Variants in ABLIM1 observed in about 807,000 individuals in gnomAD.
ABLIM1 encodes the protein actin binding LIM protein 1, also known as actin-binding LIM protein 1.
Under a neutral mutation model 107.0 loss-of-function variants are expected in ABLIM1, and 40 were observed. The ratio of observed to expected loss-of-function variants is 0.37; its 90% CI spans 0.29 to 0.49. The LOEUF is 0.49. Among genes scored for constraint, ABLIM1 ranks in the 20% least tolerant of loss-of-function variants. The pLI is 0.97. For missense variants in ABLIM1, 857 were observed against 1,008.5 expected (o/e 0.85, Z 2.04); for synonymous variants, 357 against 357.3 (o/e 1.00, Z 0.01).
intron 8 of ABLIM1, among the ~76,000 whole-genome samples, chr10:114,482,686 A>G (rs2057557171): frequency 6.6e-6 from 1 of 152,210 alleles, no homozygotes; most frequent in Admixed American, 6.5e-5. Flanking sequence ...GACTTCATTG[A>G]TAGTTACAGC....
chr10:114,798,083 C>T, the ABLIM1 span, among the ~76,000 whole-genome samples: 8 of 152,170 alleles, frequency 5.3e-5, no homozygotes, highest in East Asian at 7.7e-4. Context: ...TTTTATCCAA[C>T]GAAGTTAAGT....
intron 6 of ABLIM1, among the ~76,000 whole-genome samples, chr10:114,529,390 G>A (rs113631787): frequency 1.2e-3 from 188 of 152,142 alleles, no homozygotes; most frequent in African/African-American, 3.9e-3. Context: ...CCAAAGTGCC[G>A]GGATTACAGG....
At chr10:114,468,141 A>C in intron 11 of ABLIM1, 40 bp downstream of exon 11, 1 of 1,588,242 alleles carries the variant, frequency 6.3e-7, no homozygotes, top group Non-Finnish European at 8.6e-7. Context: ...GCAATTCTCA[A>C]ATTCCACCCA....
intron 4 of ABLIM1, among the ~76,000 whole-genome samples, chr10:114,551,246 C>A (rs913770191): frequency 6.6e-6 from 1 of 152,208 alleles, no homozygotes; most frequent in African/African-American, 2.4e-5. Context: ...TCCCTTTTTC[C>A]TCGGTTAGGA....
At chr10:114,650,862 A>C (rs748562626) in intron 1 of ABLIM1, among the ~76,000 whole-genome samples, 3 of 152,214 alleles carry the variant, frequency 2.0e-5, no homozygotes, top group African/African-American at 4.8e-5. Flanking sequence ...AAGAGGGGGA[A>C]GTATTTATCG....
intron 1 of ABLIM1, among the ~76,000 whole-genome samples, chr10:114,680,648 A>G (rs2080707558): frequency 6.6e-6 from 1 of 152,176 alleles, no homozygotes; most frequent in Admixed American, 6.5e-5. Flanking sequence ...CAGCGAGGTC[A>G]TCTATATCCC....
chr10:114,536,427 T>C (rs1384395338), intron 6 of ABLIM1, among the ~76,000 whole-genome samples: 2 of 151,438 alleles, frequency 1.3e-5, no homozygotes, highest in Admixed American at 1.3e-4. Context: ...TTTGTATTTT[T>C]AGTAGAGACG....
chr10:114,612,741 GACA>G (rs952471873), intron 1 of ABLIM1, among the ~76,000 whole-genome samples: 1 of 152,158 alleles, frequency 6.6e-6, no homozygotes, highest in Non-Finnish European at 1.5e-5. Flanking sequence ...CATCTTTATG[GACA>G]ACAAGAGAGC....
intron 6 of ABLIM1, among the ~76,000 whole-genome samples, chr10:114,494,044 G>T (rs1436531866): frequency 6.6e-6 from 1 of 152,116 alleles, no homozygotes; most frequent in Admixed American, 6.5e-5. Flanking sequence ...CTTTAGTATG[G>T]GCATGGGAGT....
At chr10:114,465,551 A>G (rs1009088854) in intron 12 of ABLIM1, 147 bp downstream of exon 12, 2 of 885,126 alleles carry the variant, frequency 2.3e-6, no homozygotes, top group South Asian at 2.2e-5. Flanking sequence ...AGCATAAAAT[A>G]TAGTTGGATA....
chr10:114,585,749 CCT>C (rs2074118211), intron 2 of ABLIM1, among the ~76,000 whole-genome samples: 1 of 152,112 alleles, frequency 6.6e-6, no homozygotes, highest in Admixed American at 6.6e-5. Flanking sequence ...GCTCCCGGCC[CCT>C]CTCAGGTTCA....
chr10:114,727,749 G>C (rs1226245381), intron 1 of ABLIM1, among the ~76,000 whole-genome samples: 1 of 152,178 alleles, frequency 6.6e-6, no homozygotes, highest in Admixed American at 6.5e-5. Context: ...GAGCCCAGGG[G>C]TTTGAGACCA....
chr10:114,608,123 G>A (rs1238101042), intron 1 of ABLIM1, among the ~76,000 whole-genome samples: 3 of 152,152 alleles, frequency 2.0e-5, no homozygotes. Context: ...CCAGAATTCT[G>A]GGAGGCCAAG....
At chr10:114,743,633 T>A (rs944464900) in intron 1 of ABLIM1, among the ~76,000 whole-genome samples, 2 of 152,174 alleles carry the variant, frequency 1.3e-5, no homozygotes, top group African/African-American at 4.8e-5. Flanking sequence ...CTTTCAAAAC[T>A]TTTCTGGGGA....
chr10:114,736,066 T>TA (rs1421726270), intron 1 of ABLIM1, among the ~76,000 whole-genome samples: 5 of 152,226 alleles, frequency 3.3e-5, no homozygotes, highest in Non-Finnish European at 5.9e-5. Context: ...GCAATGATTT[T>TA]ATGTAATGTA....
chr10:114,690,623 C>T (rs1299159785), intron 1 of ABLIM1: 1 of 772,622 alleles, frequency 1.3e-6, no homozygotes, highest in Non-Finnish European at 2.3e-6. Flanking sequence ...TGTTGAAGAA[C>T]ACCGTGGGAT....
intron 4 of ABLIM1, among the ~76,000 whole-genome samples, chr10:114,560,881 G>A (rs1017433501): frequency 9.2e-5 from 14 of 152,210 alleles, no homozygotes; most frequent in African/African-American, 3.1e-4. Context: ...GGGAAAAAGT[G>A]GGGGAAGGGG....
At chr10:114,608,636 T>A (rs2076592233) in intron 1 of ABLIM1, among the ~76,000 whole-genome samples, 1 of 151,856 alleles carries the variant, frequency 6.6e-6, no homozygotes, top group Non-Finnish European at 1.5e-5. Context: ...GCCATTGCAC[T>A]CCATCCTGGG....
At chr10:114,768,393 C>T (rs1390808387), upstream of ABLIM1, among the ~76,000 whole-genome samples, 1 of 150,998 alleles carries the variant, frequency 6.6e-6, no homozygotes. Flanking sequence ...GGGCTCTGTC[C>T]CCGAGGAACG....
Sources: allele counts gnomAD v4.1 joint callset (sites outside exome capture counted in the v4.1 genomes callset), GRCh38; gene constraint gnomAD v4.1.1; transcripts MANE v1.5; gene names NCBI Gene and HGNC (gene_info 2026-07-23, HGNC 2026-07-21).